Variants in KDM1B observed in about 807,000 individuals in gnomAD.
The protein encoded by KDM1B is lysine demethylase 1B, also known as lysine-specific histone demethylase 2.
Under a neutral mutation model 107.4 loss-of-function variants are expected in KDM1B, and 63 were observed. The observed-to-expected ratio is 0.59, with a 90% CI of 0.48 to 0.72. KDM1B has a LOEUF of 0.72. KDM1B is among the 30% of genes least tolerant of loss of function. The pLI, the probability that KDM1B is intolerant of heterozygous loss-of-function variation, is 0.00. For missense variants in KDM1B, 749 were observed against 1,020.8 expected (o/e 0.73, Z 3.63); for synonymous variants, 363 against 363.9 (o/e 1.00, Z 0.03).
Position 18,200,243 on chromosome 6 carries a change from A to G in KDM1B, c.1222-196A>G, listed in dbSNP as rs1787946928. Among the ~76,000 whole-genome samples, 1 of 152,204 alleles carries G rather than the reference A, an allele frequency of 6.6e-6. No homozygotes were observed. On this transcript the variant is annotated intron_variant, in intron 12 of 21. Coordinates refer to ENST00000650836, the MANE Select transcript of KDM1B (RefSeq NM_001364614.2). This position sits in a 1 kb window ranked among gnomAD's most constrained non-coding sequence, Gnocchi z 4.3. ...AGACCACTCAGTTTTTCCTCGCTAG[A>G]GTCTAGATGGATTGTTTTGAACATC...
chr6:18,194,980 T>TCTA (rs1787547030), intron 10 of KDM1B, among the ~76,000 whole-genome samples: 1 of 152,220 alleles, frequency 6.6e-6, no homozygotes, highest in South Asian at 2.1e-4. Flanking sequence ...CAACCACGAA[T>TCTA]CTACTCTCTA....
intron 5 of KDM1B, among the ~76,000 whole-genome samples, chr6:18,164,538 C>A (rs1785168666): frequency 6.6e-6 from 1 of 152,146 alleles, no homozygotes; most frequent in Non-Finnish European, 1.5e-5. Context: ...CTTGTCTTAT[C>A]CCTGATAATA....
At chr6:18,196,960 T>C (rs1192883113) in intron 10 of KDM1B, 97 bp from the exon 11 acceptor site, 1 of 1,134,544 alleles carries the variant, frequency 8.8e-7, no homozygotes, top group East Asian at 2.4e-5. Context: ...TTGATTCAGA[T>C]CTTTTACTTG....
Position 18,214,427 on chromosome 6 carries a change from C to T in KDM1B, c.2110-580C>T, listed in dbSNP as rs1234373531. Among the ~76,000 whole-genome samples, 4 of 152,122 alleles carry T rather than the reference C, an allele frequency of 2.6e-5. No homozygotes were observed. Among genetic ancestry groups the T allele is most frequent in the East Asian group, 3.8e-4 (2 of 5,206 alleles). ...CTTCTCCATCTCTTTCTACTTCTTCCGAAGCAAGCTTTAATTAGTGAACAG... is the reference window on the plus strand; with the variant it reads ...CTTCTCCATCTCTTTCTACTTCTTCTGAAGCAAGCTTTAATTAGTGAACAG... On this transcript the variant is annotated intron_variant, in intron 19 of 21. Coordinates refer to ENST00000650836, the MANE Select transcript of KDM1B (RefSeq NM_001364614.2). The surrounding 1 kb of genome is among the most constrained non-coding windows in gnomAD (Gnocchi z 4.4).
chr6:18,167,588 C>T (rs1215354478), intron 6 of KDM1B, among the ~76,000 whole-genome samples: 2 of 151,720 alleles, frequency 1.3e-5, no homozygotes, highest in African/African-American at 4.8e-5. Flanking sequence ...ATTCTCCCAC[C>T]TCAGCCTCCC....
In KDM1B at chr6:18,162,875, T is replaced by C; in HGVS notation, c.256T>C (p.Ser86Pro). 1 of 1,612,642 alleles carries C rather than the reference T, an allele frequency of 6.2e-7. No individual in the cohort carries two copies. The highest frequency in any genetic ancestry group is 8.5e-7 in the Non-Finnish European group (1 of 1,178,626). ...CTACACCTCCCGATGGTATCATCTC[T>C]CCTGTGGGGAACATTTCTGTAATGA... Reference protein sequence around the residue: ...NGYTSRWYHLSCGEHFCNECF... With the variant: ...NGYTSRWYHLPCGEHFCNECF... The change falls in exon 5 of 22, where the codon TCC becomes CCC. Residue 86 changes from serine (S) to proline (P), a missense_variant. By Grantham distance (74) the Ser-to-Pro change is moderately conservative. Transcript: ENST00000650836. This position sits in a 1 kb window ranked among gnomAD's most constrained non-coding sequence, Gnocchi z 4.1.
chr6:18,163,270 G>A (rs1469007989), intron 5 of KDM1B, among the ~76,000 whole-genome samples: 4 of 151,956 alleles, frequency 2.6e-5, no homozygotes, highest in Non-Finnish European at 5.9e-5. Flanking sequence ...ATGTTGTCCA[G>A]GCTGGTCTCA....
In KDM1B at chr6:18,162,716, G is replaced by T; in HGVS notation, c.216-119G>T. On this transcript the variant is annotated intron_variant, in intron 4 of 21. Transcript: ENST00000650836. This position sits in a 1 kb window ranked among gnomAD's most constrained non-coding sequence, Gnocchi z 4.1. ...CATTCCTGTTTCCCCTGTCCTTAAG[G>T]GGCTAAGTGGAGATAATGCAAAATG... 1 of 641,254 alleles carries T rather than the reference G, an allele frequency of 1.6e-6. No homozygotes were observed. Among genetic ancestry groups the T allele is most frequent in the Non-Finnish European group, 2.9e-6 (1 of 350,856 alleles). The allele number at this position is 641,254 out of a possible 1,614,324, so 39.7% of individuals were successfully genotyped here. A position where few individuals can be genotyped will look rare whatever the true frequency, so the allele number is the denominator to read the frequency against.
In KDM1B at chr6:18,180,755, G is replaced by A. The variant is rs1011394848; in HGVS notation, c.535-5017G>A. On this transcript the variant is annotated intron_variant, in intron 7 of 21. Coordinates refer to ENST00000650836, the MANE Select transcript of KDM1B (RefSeq NM_001364614.2). The stretch of plus-strand genomic sequence containing the variant: ...TAATTTGTGTATTTTTAGTAGAGAC[G>A]GAGTTTCACCATGTTGGCCAGGCTG... Among the ~76,000 whole-genome samples the A allele has an allele frequency of 2.6e-5, 4 of 152,212 alleles. No homozygotes were observed. In the East Asian group the frequency reaches 5.8e-4, roughly 22 times the overall value.
At chr6:18,161,968 A>G (rs759275186) in intron 4 of KDM1B, among the ~76,000 whole-genome samples, 2 of 152,080 alleles carry the variant, frequency 1.3e-5, no homozygotes, top group Non-Finnish European at 2.9e-5. Flanking sequence ...TCCAGAGGAA[A>G]ATATTCAATT....
intron 21 of KDM1B, among the ~76,000 whole-genome samples, chr6:18,219,727 A>AT (rs1561961311): frequency 6.6e-6 from 1 of 152,148 alleles, no homozygotes; most frequent in African/African-American, 2.4e-5. Context: ...CGAGCAAGGC[A>AT]TTTTTTTAAA....
At position 18,187,951 on chromosome 6, in the gene KDM1B, A is replaced by T. The variant is rs1786988029; in HGVS notation, c.733A>T (p.Asn245Tyr). The T allele has an allele frequency of 1.9e-6, 3 of 1,550,540 alleles. No homozygotes were observed. The highest frequency in any genetic ancestry group is 2.6e-6 in the Non-Finnish European group (3 of 1,147,002). Residue 245 changes from asparagine to tyrosine, a missense_variant, in exon 9 of 22, where the codon AAT (asparagine) becomes TAT (tyrosine). By Grantham distance (143) the Asn-to-Tyr change is moderately radical. Transcript: ENST00000650836. The stretch of plus-strand genomic sequence containing the variant: ...CACAAACCGCGCCGCTGCCACTGGC[A>T]ATGCCAGCCCTGGGAAGCTGGAGCA... ...TSTNRAAATG[N>Y]ASPGKLEHSK...
At chr6:18,181,296 A>T (rs1786456726) in intron 7 of KDM1B, among the ~76,000 whole-genome samples, 1 of 152,220 alleles carries the variant, frequency 6.6e-6, no homozygotes, top group African/African-American at 2.4e-5. Flanking sequence ...CCTGTTAAGG[A>T]ATAGTACTAC....
At position 18,205,405 on chromosome 6, in the gene KDM1B, T is replaced by C; in HGVS notation, c.1532-132T>C. 2.8e-6 allele frequency: 2 copies of C among 719,502 alleles called. No individual in the cohort carries two copies. The highest frequency in any genetic ancestry group is 2.1e-5 in the South Asian group (1 of 47,258). The allele number at this position is 719,502 out of a possible 1,614,324, so 44.6% of individuals were successfully genotyped here. ...GACCTTATCAAGAGATCTTTTCCCC[T>C]CTGACTTTACTTGGGAAAAGACTTT... On this transcript the variant is annotated intron_variant, in intron 14 of 21. Coordinates refer to ENST00000650836, the MANE Select transcript of KDM1B (RefSeq NM_001364614.2). The surrounding 1 kb of genome is among the most constrained non-coding windows in gnomAD (Gnocchi z 5.7).
At position 18,214,451 on chromosome 6, in the gene KDM1B, A is replaced by G. The variant is rs377637512; in HGVS notation, c.2110-556A>G. Among the ~76,000 whole-genome samples the G allele has an allele frequency of 1.8e-4, 28 of 152,322 alleles. No homozygotes were observed. The highest frequency in any genetic ancestry group is 9.6e-4 in the East Asian group (5 of 5,196). On this transcript the variant is annotated intron_variant, in intron 19 of 21. Transcript: ENST00000650836. This position sits in a 1 kb window ranked among gnomAD's most constrained non-coding sequence, Gnocchi z 4.4. Reference sequence around the variant, plus strand: ...CCGAAGCAAGCTTTAATTAGTGAACAGCCAAGGGAACCTTAAAGTTGCTAT... The same window carrying G: ...CCGAAGCAAGCTTTAATTAGTGAACGGCCAAGGGAACCTTAAAGTTGCTAT...
intron 14 of KDM1B, among the ~76,000 whole-genome samples, chr6:18,202,751 A>G (rs1235177151): frequency 6.6e-6 from 1 of 152,182 alleles, no homozygotes; most frequent in Non-Finnish European, 1.5e-5. Context: ...ACTTCTTAGT[A>G]GCAGGGACTA....
At position 18,186,973 on chromosome 6, in the gene KDM1B, T is replaced by TGTAC. The variant is rs1554144838; in HGVS notation, c.574-819_574-818insGTAC. ...CAGTATGTATATATGTGTGTGTGTG[T>TGTAC]ACACACACACACACACACACACACA... is the stretch of plus-strand genomic sequence containing the variant. On this transcript the variant is annotated intron_variant, in intron 8 of 21. Coordinates refer to ENST00000650836, the MANE Select transcript of KDM1B (RefSeq NM_001364614.2). The surrounding 1 kb of genome is among the most constrained non-coding windows in gnomAD (Gnocchi z 5.6). Among the ~76,000 whole-genome samples the TGTAC allele has an allele frequency of 6.8e-6, 1 of 147,438 alleles. No individual in the cohort carries two copies. Among genetic ancestry groups the TGTAC allele is most frequent in the East Asian group, 2.0e-4 (1 of 4,914 alleles).
In KDM1B at chr6:18,156,127, A is replaced by G. The variant is rs3806961; in HGVS notation, c.-14+201A>G. On this transcript the variant is annotated intron_variant, in intron 2 of 21. Transcript: ENST00000650836. ...ATAGGGTGCGGCCAGGAGCCCGCAC[A>G]GCCTTGCAGGTGTTGTAGTAATTCT... Among the ~76,000 whole-genome samples the G allele has an allele frequency of 2.0e-5, 3 of 152,334 alleles. No individual in the cohort carries two copies. The East Asian group carries it at 5.8e-4, about 29-fold the overall frequency.
intron 20 of KDM1B, 109 bp from the exon 21 acceptor site, chr6:18,217,624 G>A (rs768897613): frequency 3.8e-5 from 31 of 808,340 alleles, no homozygotes; most frequent in Middle Eastern, 5.5e-4. Context: ...TGATCCACCC[G>A]CCTTAGCCTC....
Sources: allele counts gnomAD v4.1 joint callset (sites outside exome capture counted in the v4.1 genomes callset), GRCh38; gene constraint gnomAD v4.1.1; non-coding constraint Gnocchi (gnomAD v3.1); transcripts MANE v1.5; gene names NCBI Gene and HGNC (gene_info 2026-07-23, HGNC 2026-07-21).